TGFB2: variants seen among roughly 807,000 people sequenced by gnomAD.
TGFB2 encodes the protein transforming growth factor beta 2.
TGFB2 carries 13 observed loss-of-function variants against 42.7 expected under a neutral mutation model. That is an observed-to-expected ratio of 0.30 (90% CI 0.20 to 0.48). The LOEUF (loss-of-function observed/expected upper bound fraction) is 0.48, where lower values mean the gene tolerates loss of function less well. Among genes scored for constraint, TGFB2 ranks in the 20% least tolerant of loss-of-function variants. The pLI, the probability that TGFB2 is intolerant of heterozygous loss-of-function variation, is 0.99. For synonymous variants in TGFB2, 193 were observed against 193.6 expected, an observed-to-expected ratio of 1.00 and a Z score of 0.03; for missense variants, 390 against 517.5, an observed-to-expected ratio of 0.75 and a Z score of 2.39.
intron 3 of TGFB2, 45 bp downstream of exon 3, chr1:218,434,259 C>T: frequency 6.2e-7 from 1 of 1,612,064 alleles, no homozygotes; most frequent in Non-Finnish European, 8.5e-7. Flanking sequence ...TTCAGTATCC[C>T]TAAGTTACTT....
chr1:218,358,799 C>T (rs60721021), intron 1 of TGFB2, among the ~76,000 whole-genome samples: 3,729 of 152,124 alleles, frequency 0.025, 157 homozygotes, highest in African/African-American at 0.084. Flanking sequence ...GCCTTGGCCT[C>T]CCAAAGTGCT....
At chr1:218,438,884 G>A (rs190515091) in intron 6 of TGFB2, among the ~76,000 whole-genome samples, 47 of 152,212 alleles carry the variant, frequency 3.1e-4, no homozygotes, top group Middle Eastern at 6.8e-3. Context: ...CGAGGCAGGT[G>A]GATCACGAGG....
intron 1 of TGFB2, among the ~76,000 whole-genome samples, chr1:218,381,858 C>T (rs1338313034): frequency 2.0e-5 from 3 of 152,052 alleles, no homozygotes; most frequent in East Asian, 1.9e-4. Flanking sequence ...TGCACACGCG[C>T]GTGCCTATGC....
chr1:218,417,628 G>A (rs1659324244), intron 2 of TGFB2, among the ~76,000 whole-genome samples: 1 of 152,234 alleles, frequency 6.6e-6, no homozygotes, highest in African/African-American at 2.4e-5. Context: ...TGGGAAAAAT[G>A]TCTCCAGAGC....
At position 218,441,572 on chromosome 1, in the gene TGFB2, C is replaced by T. The variant is rs781729734; in HGVS notation, c.*210C>T. On this transcript the variant is annotated 3_prime_UTR_variant, in exon 7 of 7. Transcript: ENST00000366930. ...CATCTGACACAAAAAAAGTTGAAGG[C>T]CTTATTCTACATTTCACCTACTTTG... The T allele has an allele frequency of 2.4e-6, 1 of 415,438 alleles. No individual in the cohort carries two copies. Among genetic ancestry groups the T allele is most frequent in the Non-Finnish European group, 4.1e-6 (1 of 241,350 alleles). The allele number at this position is 415,438 out of a possible 1,614,324, so 25.7% of individuals were successfully genotyped here.
chr1:218,366,872 G>A (rs1005283175), intron 1 of TGFB2, among the ~76,000 whole-genome samples: 4 of 152,220 alleles, frequency 2.6e-5, no homozygotes, highest in African/African-American at 9.6e-5. Flanking sequence ...TGGACTCTCT[G>A]TTTGATCAGC....
chr1:218,436,430 T>G (rs1430986655), intron 5 of TGFB2, among the ~76,000 whole-genome samples: 1 of 152,154 alleles, frequency 6.6e-6, no homozygotes. Context: ...AGCTCTCTGC[T>G]CCTCAGAACA....
intron 1 of TGFB2, among the ~76,000 whole-genome samples, chr1:218,350,619 TAGG>T (rs1157688309): frequency 1.3e-5 from 2 of 152,156 alleles, no homozygotes; most frequent in Non-Finnish European, 2.9e-5. Flanking sequence ...GAATACTGAA[TAGG>T]AGGATAGTCA....
At chr1:218,349,119 A>G (rs182313876) in intron 1 of TGFB2, among the ~76,000 whole-genome samples, 2 of 152,296 alleles carry the variant, frequency 1.3e-5, no homozygotes, top group Admixed American at 1.3e-4. Context: ...AAATAAATGA[A>G]AACCTCCGAT....
At chr1:218,411,069 T>C (rs754902544) in intron 2 of TGFB2, among the ~76,000 whole-genome samples, 19 of 152,168 alleles carry the variant, frequency 1.2e-4, no homozygotes, top group Non-Finnish European at 1.6e-4. Flanking sequence ...TATATTTAAA[T>C]TTGCTAACCT....
At chr1:218,436,324 C>A (rs907795182) in intron 5 of TGFB2, among the ~76,000 whole-genome samples, 177 bp downstream of exon 5, 2 of 152,192 alleles carry the variant, frequency 1.3e-5, no homozygotes, top group African/African-American at 4.8e-5. Context: ...TTCATCAGGT[C>A]TTTAGCAGTG....
At chr1:218,379,004 A>C (rs1453704974) in intron 1 of TGFB2, among the ~76,000 whole-genome samples, 1 of 151,986 alleles carries the variant, frequency 6.6e-6, no homozygotes, top group Non-Finnish European at 1.5e-5. Flanking sequence ...CTGCCAGCAG[A>C]TTCTAGTTGT....
chr1:218,349,640 A>G (rs758234889), intron 1 of TGFB2, among the ~76,000 whole-genome samples: 6 of 152,234 alleles, frequency 3.9e-5, no homozygotes, highest in Non-Finnish European at 8.8e-5. Flanking sequence ...ATTATACTCA[A>G]TGAGCTATAT....
chr1:218,419,857 A>G (rs1659397605), intron 2 of TGFB2, among the ~76,000 whole-genome samples: 1 of 152,264 alleles, frequency 6.6e-6, no homozygotes. Flanking sequence ...ATAAAATAAA[A>G]TTATGTAATA....
At chr1:218,439,489 A>T (rs1297584362) in intron 6 of TGFB2, among the ~76,000 whole-genome samples, 4 of 152,078 alleles carry the variant, frequency 2.6e-5, no homozygotes, top group African/African-American at 9.7e-5. Flanking sequence ...TCATATGAAA[A>T]CTCATGTGTT....
At chr1:218,412,707 G>A (rs756053500) in intron 2 of TGFB2, among the ~76,000 whole-genome samples, 2 of 152,182 alleles carry the variant, frequency 1.3e-5, no homozygotes, top group Non-Finnish European at 2.9e-5. Context: ...TGTTCAACAT[G>A]TGTTAGTTCC....
intron 1 of TGFB2, among the ~76,000 whole-genome samples, chr1:218,358,154 C>G (rs1309405300): frequency 6.6e-6 from 1 of 151,554 alleles, no homozygotes; most frequent in East Asian, 1.9e-4. Context: ...TTGAGAAAGA[C>G]ACTGAAATGA....
chr1:218,403,266 T>A (rs1473060598), intron 1 of TGFB2, among the ~76,000 whole-genome samples: 2 of 152,172 alleles, frequency 1.3e-5, no homozygotes, highest in Admixed American at 1.3e-4. Flanking sequence ...AAAGCCTCAA[T>A]TCACACAGTC....
At chr1:218,407,886 G>C (rs1341021557) in intron 2 of TGFB2, among the ~76,000 whole-genome samples, 1 of 152,090 alleles carries the variant, frequency 6.6e-6, no homozygotes, top group Non-Finnish European at 1.5e-5. Context: ...AGAGGATGAA[G>C]TAATATTTGG....
Sources: gnomAD v4.1 joint callset for allele counts (sites outside exome capture counted in the v4.1 genomes callset) on GRCh38, gnomAD v4.1.1 for gene constraint, MANE v1.5 for transcripts, NCBI Gene and HGNC (gene_info 2026-07-23, HGNC 2026-07-21) for gene names.